COQ8A: variants seen among roughly 807,000 people sequenced by gnomAD.
The protein encoded by COQ8A is coenzyme Q8A.
A neutral mutation model predicts 65.0 loss-of-function variants in COQ8A; 51 were observed. That is an observed-to-expected ratio of 0.78 (90% CI 0.63 to 0.99). The LOEUF (loss-of-function observed/expected upper bound fraction) is 0.99, where lower values mean the gene tolerates loss of function less well. Among genes scored for constraint, COQ8A ranks in the 50% least tolerant of loss-of-function variants. The pLI is 0.00. For missense variants in COQ8A, 940 were observed against 875.0 expected (o/e 1.07, Z -0.94); for synonymous variants, 371 against 353.2 (o/e 1.05, Z -0.57).
chr1:226,979,147 G>A (rs1318219057), intron 5 of COQ8A, among the ~76,000 whole-genome samples: 1 of 152,220 alleles, frequency 6.6e-6, no homozygotes. Context: ...CACCTCTGAC[G>A]TGAAGGTCAC....
Position 226,987,418 on chromosome 1 carries a change from GGA to G in COQ8A, c.*685_*686del, listed in dbSNP as rs1660183502. 1 of 152,784 alleles carries G rather than the reference GGA, an allele frequency of 6.5e-6. No homozygotes were observed. Among genetic ancestry groups the G allele is most frequent in the African/African-American group, 2.4e-5 (1 of 41,462 alleles). 9.5% of individuals were successfully genotyped at this position (152,784 alleles called of 1,614,324 possible). A position where few individuals can be genotyped will look rare whatever the true frequency, so the allele number is the denominator to read the frequency against. On this transcript the variant is annotated 3_prime_UTR_variant, in exon 15 of 15. Transcript: ENST00000366777. The stretch of plus-strand genomic sequence containing the variant: ...GGGGTGGGACTTCCTTCCTCTGTCC[GGA>G]GAGGCACAGGTGTCACCAGTTCCAG...
At chr1:226,952,285 A>G (rs867384423) in intron 1 of COQ8A, among the ~76,000 whole-genome samples, 7 of 152,226 alleles carry the variant, frequency 4.6e-5, no homozygotes, top group African/African-American at 1.2e-4. Context: ...TGCCATTCCA[A>G]TCTGCTGCCT....
At chr1:226,964,551 A>C (rs1658444081) in intron 2 of COQ8A, among the ~76,000 whole-genome samples, 1 of 152,176 alleles carries the variant, frequency 6.6e-6, no homozygotes, top group Non-Finnish European at 1.5e-5. Context: ...TGTCTGCAGT[A>C]AGCTGTGGGC....
intron 5 of COQ8A, among the ~76,000 whole-genome samples, chr1:226,979,339 C>T (rs1659553507): frequency 6.6e-6 from 1 of 152,196 alleles, no homozygotes; most frequent in Non-Finnish European, 1.5e-5. Context: ...CTGTGAACAC[C>T]AGGCCGGGCT....
At chr1:226,956,584 C>T (rs1572031198) in intron 1 of COQ8A, among the ~76,000 whole-genome samples, 1 of 56,184 alleles carries the variant, frequency 1.8e-5, no homozygotes. Context: ...TCCCTGGCTC[C>T]CACTCCCTGG....
At chr1:226,941,806 T>C (rs975595221) in intron 1 of COQ8A, among the ~76,000 whole-genome samples, 3 of 149,884 alleles carry the variant, frequency 2.0e-5, no homozygotes, top group Admixed American at 1.3e-4. Context: ...AGGCAATGGC[T>C]TAGAGTGTTT....
chr1:226,981,618 G>A (rs1659694959), intron 5 of COQ8A, among the ~76,000 whole-genome samples: 1 of 152,220 alleles, frequency 6.6e-6, no homozygotes, highest in South Asian at 2.1e-4. Flanking sequence ...GGGTGGGGGT[G>A]CACAGGGCAA....
intron 2 of COQ8A, 81 bp downstream of exon 2, chr1:226,961,643 C>T: frequency 6.7e-7 from 1 of 1,485,464 alleles, no homozygotes; most frequent in Non-Finnish European, 9.0e-7. Context: ...AGGGCTGTGA[C>T]CATGGCAACT....
chr1:226,982,651 G>A (rs373386073), intron 6 of COQ8A, 27 bp from the exon 7 acceptor site: 33 of 1,610,742 alleles, frequency 2.0e-5, no homozygotes, highest in Non-Finnish European at 2.7e-5. Flanking sequence ...CCCCAGGTTC[G>A]CCCTGTGTCA....
intron 1 of COQ8A, among the ~76,000 whole-genome samples, chr1:226,953,855 A>T (rs1394675722): frequency 6.6e-6 from 1 of 152,250 alleles, no homozygotes; most frequent in Non-Finnish European, 1.5e-5. Context: ...GGTTACATCT[A>T]AAGAGACTCA....
chr1:226,982,538 G>C, intron 6 of COQ8A, 140 bp from the exon 7 acceptor site: 1 of 930,428 alleles, frequency 1.1e-6, no homozygotes, highest in Non-Finnish European at 1.7e-6. Context: ...TGTGTGCGAG[G>C]GCTCCTGTCT....
chr1:226,960,547 GGTGGTGTCAATGGTA>G, intron 1 of COQ8A, among the ~76,000 whole-genome samples: 1 of 151,172 alleles, frequency 6.6e-6, no homozygotes, highest in African/African-American at 2.4e-5. Flanking sequence ...TGTACTTGGT[GGTGGTGTCAATGGTA>G]CTTGGTGGTG....
In COQ8A at chr1:226,985,275, A is replaced by G. The variant is rs779909663; in HGVS notation, c.1594A>G (p.Arg532Gly). ...YIQIIRAAAD[R>G]DRETVRAKSI... is the part of the protein sequence containing the mutation. ...CCAGATCATCAGGGCTGCTGCCGAC[A>G]GGGACAGGGAGACTGTGCGGGCGAA... The change falls in exon 14 of 15, where the codon AGG becomes GGG. Residue 532 changes from arginine to glycine, a missense_variant. By Grantham distance (125) the Arg-to-Gly change is moderately radical. Transcript: ENST00000366777. 6 of 1,613,616 alleles carry G rather than the reference A, an allele frequency of 3.7e-6. No homozygotes were observed. The African/African-American group carries it at 6.7e-5, about 18-fold the overall frequency.
Position 226,983,908 on chromosome 1 carries a change from C to A in COQ8A, c.1256+54C>A, listed in dbSNP as rs1269742492. The A allele has an allele frequency of 3.2e-6, 5 of 1,582,526 alleles. No homozygotes were observed. The East Asian group carries it at 1.1e-4, about 36-fold the overall frequency. On this transcript the variant is annotated intron_variant, in intron 10 of 14. Coordinates refer to ENST00000366777, the MANE Select transcript of COQ8A (RefSeq NM_020247.5). ...GTTTGCACCAGGGAGGCAGAAGGGA[C>A]CATGTTCAGCAGCTGGTGAAGGCCC...
chr1:226,942,267 C>T (rs1053227856), intron 1 of COQ8A, among the ~76,000 whole-genome samples: 9 of 151,978 alleles, frequency 5.9e-5, no homozygotes, highest in African/African-American at 2.2e-4. Flanking sequence ...AGTGTTATGC[C>T]TCCTGCCCTA....
chr1:226,958,567 G>A (rs1442124126), intron 1 of COQ8A, among the ~76,000 whole-genome samples: 1 of 152,322 alleles, frequency 6.6e-6, no homozygotes, highest in Non-Finnish European at 1.5e-5. Flanking sequence ...GTTCATCGGG[G>A]CCTGCAGGAA....
In COQ8A at chr1:226,983,050, C is replaced by A; in HGVS notation, c.1080+16C>A. 1 of 1,573,568 alleles carries A rather than the reference C, an allele frequency of 6.4e-7. No homozygotes were observed. Among genetic ancestry groups the A allele is most frequent in the Non-Finnish European group, 8.6e-7 (1 of 1,160,850 alleles). ...GAAGATCCAGGTAGGCGGCCTGATG[C>A]GCAGTGCCTGTCCCTATGGGGGCTG... On this transcript the variant is annotated intron_variant, in intron 8 of 14. Transcript: ENST00000366777.
intron 11 of COQ8A, 123 bp from the exon 12 acceptor site, chr1:226,984,425 G>A: frequency 7.9e-7 from 1 of 1,271,024 alleles, no homozygotes. Flanking sequence ...AGTAACACTG[G>A]GAATCAAACA....
intron 5 of COQ8A, 96 bp downstream of exon 5, chr1:226,977,619 A>G: frequency 7.3e-7 from 1 of 1,366,692 alleles, no homozygotes; most frequent in Non-Finnish European, 1.0e-6. Context: ...AGTGTCAGCC[A>G]GCTGGGCCGC....
Sources: allele counts gnomAD v4.1 joint callset (sites outside exome capture counted in the v4.1 genomes callset), GRCh38; gene constraint gnomAD v4.1.1; transcripts MANE v1.5; gene names NCBI Gene and HGNC (gene_info 2026-07-23, HGNC 2026-07-21).